The following RARB variants were observed in gnomAD, a reference collection of about 807,000 sequenced individuals.
RARB encodes the protein retinoic acid receptor beta.
RARB carries 17 observed loss-of-function variants against 51.9 expected under a neutral mutation model. That is an observed-to-expected ratio of 0.33 (90% CI 0.22 to 0.49). The LOEUF is 0.49. RARB is among the 20% of genes least tolerant of loss of function. The pLI, the probability that RARB is intolerant of heterozygous loss-of-function variation, is 0.99. For missense variants in RARB, 369 were observed against 550.8 expected, an observed-to-expected ratio of 0.67 and a Z score of 3.30; for synonymous variants, 215 against 195.4, an observed-to-expected ratio of 1.10 and a Z score of -0.84.
intron 3 of RARB, among the ~76,000 whole-genome samples, chr3:25,068,708 T>C (rs1698711918): frequency 6.6e-6 from 1 of 152,142 alleles, no homozygotes. Flanking sequence ...CACAAAGCAC[T>C]GCCTGGGCTG....
At chr3:24,950,435 A>G in intron 2 of RARB, among the ~76,000 whole-genome samples, 1 of 152,212 alleles carries the variant, frequency 6.6e-6, no homozygotes, top group East Asian at 1.9e-4. Context: ...TTTACATGAG[A>G]CCTGATTTTC....
At chr3:25,231,628 G>A (rs1457789578) in intron 5 of RARB, among the ~76,000 whole-genome samples, 1 of 152,118 alleles carries the variant, frequency 6.6e-6, no homozygotes. Context: ...AGCCATTCTA[G>A]TGTGTAATGG....
intron 5 of RARB, among the ~76,000 whole-genome samples, chr3:25,315,653 G>A (rs1029968839): frequency 2.0e-5 from 3 of 152,152 alleles, no homozygotes; most frequent in South Asian, 2.1e-4. Flanking sequence ...TTGCTCTGTC[G>A]CCCAGGCTGG....
intron 5 of RARB, among the ~76,000 whole-genome samples, chr3:25,355,449 T>C (rs988267384): frequency 1.3e-5 from 2 of 152,152 alleles, no homozygotes; most frequent in Admixed American, 1.3e-4. Flanking sequence ...AGTGAAGCAC[T>C]TCAGTCATAG....
intron 2 of RARB, among the ~76,000 whole-genome samples, chr3:24,894,083 T>A (rs1559385820): frequency 1.3e-5 from 2 of 152,188 alleles, no homozygotes; most frequent in East Asian, 1.9e-4. Context: ...TTTTAGTCTT[T>A]GAGAATCTTT....
chr3:25,035,668 A>G (rs995739342), intron 2 of RARB, among the ~76,000 whole-genome samples: 3 of 152,318 alleles, frequency 2.0e-5, no homozygotes, highest in African/African-American at 7.2e-5. Flanking sequence ...AAGGCCAGAT[A>G]GTAAATAATT....
At chr3:24,838,143 A>C (rs530857844) in intron 1 of RARB, among the ~76,000 whole-genome samples, 435 of 152,274 alleles carry the variant, frequency 2.9e-3, no homozygotes, top group Non-Finnish European at 2.8e-3. Flanking sequence ...TTTTAGAGCC[A>C]TTCTTTGGCT....
chr3:25,419,645 G>A (rs1559392999), intron 5 of RARB, among the ~76,000 whole-genome samples: 1 of 152,166 alleles, frequency 6.6e-6, no homozygotes, highest in South Asian at 2.1e-4. Flanking sequence ...AAATGCACCT[G>A]AATAGACCCC....
At chr3:25,079,700 AT>A (rs1229931808) in intron 3 of RARB, among the ~76,000 whole-genome samples, 1 of 152,182 alleles carries the variant, frequency 6.6e-6, no homozygotes, top group African/African-American at 2.4e-5. Context: ...TTTTTAAAAA[AT>A]ATATTACTTT....
chr3:25,522,966 C>G (rs770500018), intron 3 of RARB, among the ~76,000 whole-genome samples: 2 of 152,132 alleles, frequency 1.3e-5, no homozygotes, highest in Non-Finnish European at 2.9e-5. Context: ...ATGGTGCTGT[C>G]TAGAAAGTTC....
intron 2 of RARB, among the ~76,000 whole-genome samples, chr3:25,015,180 T>C (rs1416194221): frequency 6.6e-6 from 1 of 152,190 alleles, no homozygotes; most frequent in Non-Finnish European, 1.5e-5. Context: ...ATATATTTGA[T>C]GGTGTGACTT....
intron 2 of RARB, among the ~76,000 whole-genome samples, chr3:24,981,553 C>G (rs1184426195): frequency 6.6e-6 from 1 of 152,184 alleles, no homozygotes; most frequent in Non-Finnish European, 1.5e-5. Flanking sequence ...GCTGCGTTAG[C>G]AGAGAGCAAG....
intron 2 of RARB, among the ~76,000 whole-genome samples, chr3:24,922,104 T>C (rs1695227938): frequency 6.6e-6 from 1 of 152,200 alleles, no homozygotes; most frequent in Admixed American, 6.5e-5. Flanking sequence ...GATACCACTG[T>C]CTTATATAGG....
At chr3:25,244,778 T>A (rs937919969) in intron 5 of RARB, among the ~76,000 whole-genome samples, 1 of 152,180 alleles carries the variant, frequency 6.6e-6, no homozygotes, top group African/African-American at 2.4e-5. Context: ...CTGAGAAGCA[T>A]GTATATTGTG....
chr3:25,577,832 T>C (rs140995726), intron 4 of RARB, among the ~76,000 whole-genome samples: 37 of 151,834 alleles, frequency 2.4e-4, no homozygotes, highest in African/African-American at 8.0e-4. Context: ...TTTCTGCTGC[T>C]TAAGATGGCC....
At chr3:25,539,233 A>C (rs1302209157) in intron 3 of RARB, among the ~76,000 whole-genome samples, 1 of 152,218 alleles carries the variant, frequency 6.6e-6, no homozygotes, top group African/African-American at 2.4e-5. Context: ...TCTGGCAGAC[A>C]CATCAGTTAC....
intron 2 of RARB, among the ~76,000 whole-genome samples, chr3:24,874,929 G>C (rs1703013074): frequency 6.6e-6 from 1 of 151,618 alleles, no homozygotes; most frequent in Non-Finnish European, 1.5e-5. Context: ...CCTCCTTTTA[G>C]TTGTTACATT....
chr3:25,365,408 G>A (rs996880039), intron 5 of RARB, among the ~76,000 whole-genome samples: 74 of 151,880 alleles, frequency 4.9e-4, no homozygotes, highest in African/African-American at 1.7e-3. Context: ...CACCATGCCT[G>A]TCTCATCCAT....
At chr3:25,525,292 T>C (rs897957101) in intron 3 of RARB, among the ~76,000 whole-genome samples, 2 of 152,102 alleles carry the variant, frequency 1.3e-5, no homozygotes, top group African/African-American at 4.8e-5. Flanking sequence ...GAAAGTGTGG[T>C]GTCATTTTGA....
Sources: gnomAD v4.1 joint callset for allele counts (sites outside exome capture counted in the v4.1 genomes callset) on GRCh38, gnomAD v4.1.1 for gene constraint, MANE v1.5 for transcripts, NCBI Gene and HGNC (gene_info 2026-07-23, HGNC 2026-07-21) for gene names.